The following JAM2 variants were observed in gnomAD, a reference collection of about 807,000 sequenced individuals.
JAM2 encodes the protein junctional adhesion molecule B.
JAM2 carries 17 observed loss-of-function variants against 42.0 expected under a neutral mutation model. The ratio of observed to expected loss-of-function variants is 0.40; its 90% CI spans 0.28 to 0.61. The LOEUF (loss-of-function observed/expected upper bound fraction) is 0.61, where lower values mean the gene tolerates loss of function less well. Among genes scored for constraint, JAM2 ranks in the 20% least tolerant of loss-of-function variants. The pLI, the probability that JAM2 is intolerant of heterozygous loss-of-function variation, is 0.37. For synonymous variants in JAM2, 118 were observed against 128.6 expected, an observed-to-expected ratio of 0.92 and a Z score of 0.56; for missense variants, 319 against 358.3, an observed-to-expected ratio of 0.89 and a Z score of 0.89.
At chr21:25,654,647 C>CAA (rs34222589) in intron 1 of JAM2, among the ~76,000 whole-genome samples, 6,090 of 91,278 alleles carry the variant, frequency 0.067, 177 homozygotes, top group Middle Eastern at 0.091. Flanking sequence ...GACTTTCTCT[C>CAA]AAAAAAAAAA....
intron 1 of JAM2, among the ~76,000 whole-genome samples, chr21:25,669,415 G>A (rs1049165756): frequency 1.3e-5 from 2 of 151,722 alleles, no homozygotes; most frequent in Non-Finnish European, 2.9e-5. Flanking sequence ...AAGAAGATGG[G>A]GGAAAAGTAT....
At chr21:25,712,740 G>T (rs901941688) in intron 9 of JAM2, among the ~76,000 whole-genome samples, 1 of 152,158 alleles carries the variant, frequency 6.6e-6, no homozygotes, top group Non-Finnish European at 1.5e-5. Flanking sequence ...CAGTGGTGGA[G>T]CTGGGACCCA....
chr21:25,641,011 C>A (rs2032423314), intron 1 of JAM2, among the ~76,000 whole-genome samples: 1 of 152,176 alleles, frequency 6.6e-6, no homozygotes, highest in Non-Finnish European at 1.5e-5. Flanking sequence ...GAGCCACGTC[C>A]CTTTGTGGAG....
chr21:25,684,498 G>A (rs1400080531), intron 2 of JAM2, among the ~76,000 whole-genome samples: 1 of 152,030 alleles, frequency 6.6e-6, no homozygotes, highest in Non-Finnish European at 1.5e-5. Flanking sequence ...GGTCAAGATG[G>A]TGAATTTTAC....
At chr21:25,689,483 C>A (rs1242277073) in intron 2 of JAM2, among the ~76,000 whole-genome samples, 1 of 152,188 alleles carries the variant, frequency 6.6e-6, no homozygotes, top group African/African-American at 2.4e-5. Context: ...TGGTAGACTC[C>A]TTCAAGACTG....
intron 6 of JAM2, among the ~76,000 whole-genome samples, chr21:25,703,051 C>T (rs2032083): frequency 0.14 from 20,770 of 152,144 alleles, 1,522 homozygotes; most frequent in South Asian, 0.2. Context: ...AGGGTTTCAC[C>T]GTGTTGGTCA....
chr21:25,686,132 A>G (rs751140665), intron 2 of JAM2, among the ~76,000 whole-genome samples: 1 of 152,212 alleles, frequency 6.6e-6, no homozygotes, highest in Non-Finnish European at 1.5e-5. Flanking sequence ...CATCACTCCA[A>G]AACAAAACCC....
chr21:25,708,159 A>G (rs1000700831), intron 7 of JAM2, among the ~76,000 whole-genome samples: 2 of 152,168 alleles, frequency 1.3e-5, no homozygotes, highest in Non-Finnish European at 2.9e-5. Flanking sequence ...TTAAAAATAT[A>G]TTTTATGCCA....
At chr21:25,652,744 A>G (rs138390827) in intron 1 of JAM2, among the ~76,000 whole-genome samples, 14 of 152,348 alleles carry the variant, frequency 9.2e-5, no homozygotes, top group Non-Finnish European at 1.3e-4. Flanking sequence ...GAAATGTTCT[A>G]TTTGAATTGA....
intron 4 of JAM2, among the ~76,000 whole-genome samples, chr21:25,697,989 T>TCTCTCTCTCC (rs913975836): frequency 6.6e-6 from 1 of 151,410 alleles, no homozygotes; most frequent in African/African-American, 2.4e-5. Context: ...ACACATTCTC[T>TCTCTCTCTCC]CTCTCTCTCC....
At chr21:25,705,853 C>A in intron 6 of JAM2, 126 bp from the exon 7 acceptor site, 2 of 639,056 alleles carry the variant, frequency 3.1e-6, no homozygotes, top group Admixed American at 2.5e-5. Flanking sequence ...ACAGGCTTCA[C>A]AATCGTTAAA....
At chr21:25,651,913 C>T (rs920618053) in intron 1 of JAM2, among the ~76,000 whole-genome samples, 12 of 152,152 alleles carry the variant, frequency 7.9e-5, no homozygotes. Context: ...GAAACACTGG[C>T]AGGTTAAACT....
chr21:25,673,726 C>T (rs1437120561), intron 1 of JAM2, among the ~76,000 whole-genome samples: 1 of 152,128 alleles, frequency 6.6e-6, no homozygotes, highest in East Asian at 1.9e-4. Flanking sequence ...ATCTTGGCTT[C>T]CCTGCTTTCT....
At chr21:25,653,024 C>T (rs1045704799) in intron 1 of JAM2, among the ~76,000 whole-genome samples, 1 of 152,178 alleles carries the variant, frequency 6.6e-6, no homozygotes, top group East Asian at 1.9e-4. Flanking sequence ...ACAGACTGTC[C>T]TTGTGGCCTA....
At chr21:25,706,457 C>T (rs553670214) in intron 7 of JAM2, among the ~76,000 whole-genome samples, 1 of 152,306 alleles carries the variant, frequency 6.6e-6, no homozygotes, top group South Asian at 2.1e-4. Flanking sequence ...GCTGGGATTA[C>T]AGGTGTGAGC....
At chr21:25,668,001 TA>T (rs2033265791) in intron 1 of JAM2, among the ~76,000 whole-genome samples, 1 of 152,140 alleles carries the variant, frequency 6.6e-6, no homozygotes, top group South Asian at 2.1e-4. Flanking sequence ...GAGGAGATTT[TA>T]TTAAGGAGGT....
intron 5 of JAM2, among the ~76,000 whole-genome samples, chr21:25,700,438 G>A (rs1450159157): frequency 6.6e-6 from 1 of 152,134 alleles, no homozygotes; most frequent in East Asian, 1.9e-4. Context: ...TTGGCTCACT[G>A]CAACCTCTGC....
At chr21:25,654,211 T>C (rs1308970846) in intron 1 of JAM2, among the ~76,000 whole-genome samples, 1 of 152,222 alleles carries the variant, frequency 6.6e-6, no homozygotes, top group South Asian at 2.1e-4. Context: ...TAATAGAATC[T>C]AATCATCATT....
chr21:25,671,498 T>C (rs1419643217), intron 1 of JAM2, among the ~76,000 whole-genome samples: 1 of 152,024 alleles, frequency 6.6e-6, no homozygotes, highest in Non-Finnish European at 1.5e-5. Flanking sequence ...AAAAAGATTA[T>C]CTTTTTCTTT....
Sources: allele counts gnomAD v4.1 joint callset (sites outside exome capture counted in the v4.1 genomes callset), GRCh38; gene constraint gnomAD v4.1.1; transcripts MANE v1.5; gene names NCBI Gene and HGNC (gene_info 2026-07-23, HGNC 2026-07-21).